ATOSB: variants seen among roughly 807,000 people sequenced by gnomAD.
The protein encoded by ATOSB is atos homolog B.
At chr9:35,114,657 G>A in the ATOSB span, among the ~76,000 whole-genome samples, 4 of 152,134 alleles carry the variant, frequency 2.6e-5, no homozygotes, top group African/African-American at 9.7e-5. Context: ...TCCTCCCCTA[G>A]CTGTGGCTGG....
the ATOSB span, chr9:35,106,683 A>G: frequency 6.7e-7 from 1 of 1,496,210 alleles, no homozygotes; most frequent in East Asian, 2.5e-5. The surrounding 1 kb of genome is among the most constrained non-coding windows in gnomAD (Gnocchi z 4.6). Flanking sequence ...GGCTTGAGGT[A>G]TTCTGGGATT....
At chr9:35,109,377 C>T in the ATOSB span, 1 of 152,324 alleles carries the variant, frequency 6.6e-6, no homozygotes, top group Non-Finnish European at 1.5e-5. Context: ...TTTCCAGGGC[C>T]CTCCCGCAAG....
chr9:35,108,015 G>A, the ATOSB span: 2 of 1,556,232 alleles, frequency 1.3e-6, no homozygotes, highest in East Asian at 2.3e-5. Context: ...TCCCTCTCTG[G>A]CCCCCAGCCC....
the ATOSB span, chr9:35,105,947 G>C: frequency 6.2e-7 from 1 of 1,614,154 alleles, no homozygotes; most frequent in Non-Finnish European, 8.5e-7. The surrounding 1 kb of genome is among the most constrained non-coding windows in gnomAD (Gnocchi z 5.5). Context: ...TCACCACTTG[G>C]ACGGTGCCCA....
the ATOSB span, chr9:35,107,277 T>C: frequency 7.4e-7 from 1 of 1,350,396 alleles, no homozygotes; most frequent in Non-Finnish European, 9.9e-7. Context: ...CAGCTGAGAT[T>C]GTGCCACTGC....
chr9:35,108,475 A>G, the ATOSB span: 1 of 1,332,380 alleles, frequency 7.5e-7, no homozygotes, highest in Non-Finnish European at 9.7e-7. Context: ...ATGAATGTGT[A>G]CAAATCCCTG....
the ATOSB span, chr9:35,105,352 G>A: frequency 3.1e-6 from 5 of 1,612,522 alleles, no homozygotes; most frequent in African/African-American, 1.3e-5. The surrounding 1 kb of genome is among the most constrained non-coding windows in gnomAD (Gnocchi z 5.5). Context: ...AGGCTTAAGC[G>A]GCCTGAGCGG....
chr9:35,107,867 C>A, the ATOSB span: 4 of 1,596,060 alleles, frequency 2.5e-6, no homozygotes, highest in Non-Finnish European at 3.4e-6. Flanking sequence ...CCCCCGAAGT[C>A]CAAGATGAGG....
At chr9:35,105,398 C>G in the ATOSB span, 1 of 1,591,438 alleles carries the variant, frequency 6.3e-7, no homozygotes, top group Non-Finnish European at 8.6e-7. This position sits in a 1 kb window ranked among gnomAD's most constrained non-coding sequence, Gnocchi z 5.5. Flanking sequence ...ATGTGATCAA[C>G]GTAAGAATCC....
the ATOSB span, chr9:35,107,271 T>G: frequency 7.6e-7 from 1 of 1,315,840 alleles, no homozygotes. Flanking sequence ...TGCAGTCAGC[T>G]GAGATTGTGC....
the ATOSB span, among the ~76,000 whole-genome samples, chr9:35,113,519 G>A: frequency 6.6e-6 from 1 of 152,122 alleles, no homozygotes; most frequent in Non-Finnish European, 1.5e-5. Context: ...AGCTACTCAG[G>A]AGGCTGAGGC....
the ATOSB span, chr9:35,106,984 G>GC: frequency 9.0e-7 from 1 of 1,108,998 alleles, no homozygotes; most frequent in Non-Finnish European, 1.3e-6. The surrounding 1 kb of genome is among the most constrained non-coding windows in gnomAD (Gnocchi z 4.6). Flanking sequence ...GGAACACCCT[G>GC]CCCCCCAGGC....
chr9:35,108,196 C>T, the ATOSB span: 2 of 1,596,236 alleles, frequency 1.3e-6, no homozygotes, highest in South Asian at 2.2e-5. Context: ...CCCTGGAGGG[C>T]CCCCTGCCTG....
chr9:35,105,159 G>A, the ATOSB span: 2 of 1,530,098 alleles, frequency 1.3e-6, no homozygotes, highest in Non-Finnish European at 1.8e-6. This position sits in a 1 kb window ranked among gnomAD's most constrained non-coding sequence, Gnocchi z 5.5. Context: ...CTCCATATAT[G>A]TTCTCTAAGA....
At chr9:35,104,482 G>A in the ATOSB span, 1 of 188,894 alleles carries the variant, frequency 5.3e-6, no homozygotes, top group Non-Finnish European at 1.3e-5. Flanking sequence ...TAGGAGGAGA[G>A]GGACAACTGG....
At chr9:35,110,629 A>C in the ATOSB span, 12 of 152,478 alleles carry the variant, frequency 7.9e-5, no homozygotes, top group African/African-American at 2.4e-4. Flanking sequence ...GGTGGGCAGC[A>C]GCTGGCATCA....
chr9:35,113,494 C>T, the ATOSB span, among the ~76,000 whole-genome samples: 15 of 151,964 alleles, frequency 9.9e-5, no homozygotes, highest in South Asian at 6.2e-4. Context: ...TGTGGTGGCG[C>T]GCACCTGTAA....
the ATOSB span, among the ~76,000 whole-genome samples, chr9:35,114,872 T>G: frequency 8.6e-5 from 13 of 152,046 alleles, no homozygotes; most frequent in Non-Finnish European, 1.6e-4. Flanking sequence ...GCGAGAGACC[T>G]GGGTGGTAGT....
chr9:35,106,545 T>C, the ATOSB span: 1 of 1,579,110 alleles, frequency 6.3e-7, no homozygotes, highest in Non-Finnish European at 8.6e-7. The surrounding 1 kb of genome is among the most constrained non-coding windows in gnomAD (Gnocchi z 4.6). Context: ...TACCTCAAAG[T>C]TGCCCAGCAG....
Sources: allele counts gnomAD v4.1 joint callset (sites outside exome capture counted in the v4.1 genomes callset), GRCh38; gene constraint gnomAD v4.1.1; non-coding constraint Gnocchi (gnomAD v3.1); transcripts MANE v1.5; gene names NCBI Gene and HGNC (gene_info 2026-07-23, HGNC 2026-07-21).